The following SLC24A2 variants were observed in gnomAD, a reference collection of about 807,000 sequenced individuals.
SLC24A2 encodes the protein solute carrier family 24 member 2.
SLC24A2 carries 36 observed loss-of-function variants against 62.0 expected under a neutral mutation model. The ratio of observed to expected loss-of-function variants is 0.58; its 90% confidence interval spans 0.44 to 0.77. SLC24A2 has a LOEUF of 0.77. SLC24A2 is among the 30% of genes least tolerant of loss of function. The pLI is 0.00. For synonymous variants in SLC24A2, 358 were observed against 294.0 expected (o/e 1.22, Z -2.23); for missense variants, 846 against 817.9 (o/e 1.03, Z -0.42).
At chr9:20,109,729 C>G in the SLC24A2 span, among the ~76,000 whole-genome samples, 1 of 152,144 alleles carries the variant, frequency 6.6e-6, no homozygotes, top group African/African-American at 2.4e-5. Flanking sequence ...CCTTCATGGT[C>G]ATAAATCATG....
chr9:19,940,443 C>T, the SLC24A2 span, among the ~76,000 whole-genome samples: 1 of 152,118 alleles, frequency 6.6e-6, no homozygotes, highest in African/African-American at 2.4e-5. Context: ...ACTCTGTGAC[C>T]TTAGGTAAAT....
chr9:19,573,583 G>A, intron 6 of SLC24A2, 114 bp from the exon 7 acceptor site: 4 of 854,200 alleles, frequency 4.7e-6, no homozygotes, highest in Non-Finnish European at 7.8e-6. Context: ...GGGGTAAAGA[G>A]CAATATTGAA....
chr9:20,011,652 TG>T, the SLC24A2 span, among the ~76,000 whole-genome samples: 1 of 152,254 alleles, frequency 6.6e-6, no homozygotes, highest in South Asian at 2.1e-4. Flanking sequence ...AAGGAAGTAA[TG>T]GCTGAAAATT....
the SLC24A2 span, among the ~76,000 whole-genome samples, chr9:20,271,530 A>C: frequency 6.6e-6 from 1 of 152,184 alleles, no homozygotes; most frequent in Non-Finnish European, 1.5e-5. Flanking sequence ...AATGACTGAG[A>C]TTATCAGCAC....
At chr9:20,055,119 G>A in the SLC24A2 span, among the ~76,000 whole-genome samples, 2 of 152,166 alleles carry the variant, frequency 1.3e-5, no homozygotes, top group African/African-American at 2.4e-5. Flanking sequence ...AGACAGGCTC[G>A]AGTGCTCATA....
the SLC24A2 span, among the ~76,000 whole-genome samples, chr9:20,190,188 T>G: frequency 6.6e-6 from 1 of 152,206 alleles, no homozygotes; most frequent in African/African-American, 2.4e-5. Context: ...CTGGTATCTT[T>G]GTTTCTCCAT....
At chr9:19,895,961 G>A in the SLC24A2 span, 1 of 1,610,450 alleles carries the variant, frequency 6.2e-7, no homozygotes, top group Non-Finnish European at 8.5e-7. Context: ...AGGGAGTCTT[G>A]GAGCATGTAA....
the SLC24A2 span, among the ~76,000 whole-genome samples, chr9:19,896,548 C>G: frequency 6.6e-6 from 1 of 152,190 alleles, no homozygotes; most frequent in Non-Finnish European, 1.5e-5. Flanking sequence ...TTCACAGCAA[C>G]CCTTGGAGGA....
At chr9:20,103,974 C>G in the SLC24A2 span, among the ~76,000 whole-genome samples, 1 of 152,054 alleles carries the variant, frequency 6.6e-6, no homozygotes, top group Non-Finnish European at 1.5e-5. Flanking sequence ...GAATGTATAA[C>G]TAGAATAACC....
At chr9:19,887,045 C>T in the SLC24A2 span, among the ~76,000 whole-genome samples, 1 of 152,072 alleles carries the variant, frequency 6.6e-6, no homozygotes, top group Non-Finnish European at 1.5e-5. Context: ...CACACTAGGG[C>T]CTGTAAGGGG....
the SLC24A2 span, chr9:19,895,740 A>T: frequency 1.4e-6 from 2 of 1,449,070 alleles, no homozygotes; most frequent in Non-Finnish European, 1.9e-6. Flanking sequence ...GGCTGGAGTC[A>T]AGGGGCTGGG....
intron 2 of SLC24A2, among the ~76,000 whole-genome samples, chr9:19,707,741 G>C (rs1820577244): frequency 6.6e-6 from 1 of 152,278 alleles, no homozygotes; most frequent in South Asian, 2.1e-4. Context: ...ATTAGGTATT[G>C]ATGGGATGTA....
intron 7 of SLC24A2, among the ~76,000 whole-genome samples, chr9:19,571,308 G>C (rs979449116): frequency 6.6e-6 from 1 of 152,316 alleles, no homozygotes; most frequent in South Asian, 2.1e-4. Flanking sequence ...GGAGTGGCAG[G>C]CTCCTTATTC....
chr9:19,886,708 A>G, the SLC24A2 span, among the ~76,000 whole-genome samples: 1 of 152,196 alleles, frequency 6.6e-6, no homozygotes. Context: ...CTGGGTATAT[A>G]CCCAAAGGAA....
the SLC24A2 span, among the ~76,000 whole-genome samples, chr9:19,906,879 C>G: frequency 6.6e-6 from 1 of 152,152 alleles, no homozygotes; most frequent in Non-Finnish European, 1.5e-5. Flanking sequence ...GGATTCACAG[C>G]CGAATTCTAC....
At chr9:19,873,324 CTT>C in the SLC24A2 span, among the ~76,000 whole-genome samples, 2 of 150,228 alleles carry the variant, frequency 1.3e-5, no homozygotes, top group Non-Finnish European at 3.0e-5. Flanking sequence ...CCGTCCTTCT[CTT>C]TCTTTCTTCT....
the SLC24A2 span, among the ~76,000 whole-genome samples, chr9:20,100,607 G>A: frequency 6.6e-6 from 1 of 152,280 alleles, no homozygotes; most frequent in African/African-American, 2.4e-5. Context: ...ATCTAACACA[G>A]TGTCTGACAC....
chr9:19,925,156 AAC>A, the SLC24A2 span, among the ~76,000 whole-genome samples: 7 of 152,322 alleles, frequency 4.6e-5, 1 homozygote, highest in South Asian at 1.4e-3. Context: ...TGTGCTGTAG[AAC>A]AAACAAACAT....
chr9:20,227,459 G>A, the SLC24A2 span, among the ~76,000 whole-genome samples: 19,920 of 149,778 alleles, frequency 0.13, 1,383 homozygotes, highest in Middle Eastern at 0.18. Flanking sequence ...AGGTCTCATG[G>A]AGAACTAAAA....
Sources: gnomAD v4.1 joint callset for allele counts (sites outside exome capture counted in the v4.1 genomes callset) on GRCh38, gnomAD v4.1.1 for gene constraint, MANE v1.5 for transcripts, NCBI Gene and HGNC (gene_info 2026-07-23, HGNC 2026-07-21) for gene names.